ARMC2: variants seen among roughly 807,000 people sequenced by gnomAD.
The protein encoded by ARMC2 is armadillo repeat-containing protein 2.
ARMC2 carries 67 observed loss-of-function variants against 90.3 expected under a neutral mutation model. The ratio of observed to expected loss-of-function variants is 0.74; its 90% CI spans 0.61 to 0.91. The LOEUF (loss-of-function observed/expected upper bound fraction) is 0.91, where lower values mean the gene tolerates loss of function less well. Among genes scored for constraint, ARMC2 ranks in the 40% least tolerant of loss-of-function variants. The probability of loss-of-function intolerance (pLI) is 0.00; values close to 1 mark genes in which losing one functional copy is unlikely to be tolerated. For missense variants in ARMC2, 920 were observed against 1,030.9 expected (o/e 0.89, Z 1.47); for synonymous variants, 393 against 393.0 (o/e 1.00, Z 0.00).
chr6:108,953,011 CTCTG>C lies in ARMC2; in HGVS notation c.1597-18_1597-15del, dbSNP rs756559004. Reference sequence around the variant, plus strand: ...GTTCCAGCCCCCTTTGCACTTTTGACTCTGTCTTTCGTTTATTGCAGGATTTAGT... The same window carrying C: ...GTTCCAGCCCCCTTTGCACTTTTGACTCTTTCGTTTATTGCAGGATTTAGT... On this transcript the variant is annotated intron_variant, in intron 12 of 17. Coordinates refer to ENST00000392644, the MANE Select transcript of ARMC2 (RefSeq NM_032131.6). The C allele has an allele frequency of 1.9e-6, 3 of 1,579,896 alleles. No individual in the cohort carries two copies. The highest frequency in any genetic ancestry group is 1.2e-5 in the South Asian group (1 of 86,944).
chr6:108,973,259 C>A, intron 17 of ARMC2, 98 bp from the exon 18 acceptor site: 1 of 1,015,996 alleles, frequency 9.8e-7, no homozygotes, highest in Non-Finnish European at 1.4e-6. Context: ...TATTAAAGGA[C>A]GACCCAGGGT....
At position 108,962,590 on chromosome 6, in the gene ARMC2, A is replaced by G. The variant is rs75311725; in HGVS notation, c.2152+463A>G. Among the ~76,000 whole-genome samples the G allele has an allele frequency of 6.9e-3, 1,057 of 152,358 alleles. 10 individuals carry two copies. The highest frequency in any genetic ancestry group is 0.024 in the African/African-American group (1,016 of 41,582). ...ATATATGCAGAGGAATGCCTTGAAT[A>G]TAAGTTTTAAAACATACAAAACTAC... is the stretch of plus-strand genomic sequence containing the variant. On this transcript the variant is annotated intron_variant, in intron 15 of 17. Coordinates refer to ENST00000392644, the MANE Select transcript of ARMC2 (RefSeq NM_032131.6).
At chr6:108,853,228 A>G (rs1055146159) in intron 1 of ARMC2, among the ~76,000 whole-genome samples, 1 of 152,210 alleles carries the variant, frequency 6.6e-6, no homozygotes, top group African/African-American at 2.4e-5. Context: ...GGGCCTGTGT[A>G]GAAGGAAACA....
chr6:108,896,445 T>C (rs553931582), intron 6 of ARMC2, among the ~76,000 whole-genome samples: 6 of 152,338 alleles, frequency 3.9e-5, no homozygotes, highest in African/African-American at 1.4e-4. Context: ...ATTATATGAT[T>C]CCATGCTTCA....
chr6:109,020,518 C>T, the ARMC2 span, among the ~76,000 whole-genome samples: 1 of 152,096 alleles, frequency 6.6e-6, no homozygotes, highest in South Asian at 2.1e-4. Flanking sequence ...ACAACCATAC[C>T]ACAAATACAA....
At chr6:108,989,108 T>G in the ARMC2 span, among the ~76,000 whole-genome samples, 1 of 152,156 alleles carries the variant, frequency 6.6e-6, no homozygotes, top group African/African-American at 2.4e-5. Flanking sequence ...GTTCAAGCGA[T>G]TCTCTCACCT....
chr6:108,857,108 C>A (rs753373205), intron 2 of ARMC2, among the ~76,000 whole-genome samples: 42 of 152,282 alleles, frequency 2.8e-4, no homozygotes, highest in Admixed American at 1.4e-3. Context: ...TACAAAATGA[C>A]TTGCCAGGAT....
chr6:109,047,969 G>C, the ARMC2 span, among the ~76,000 whole-genome samples: 3 of 147,872 alleles, frequency 2.0e-5, no homozygotes, highest in Admixed American at 6.7e-5. Context: ...GAAGGCCACA[G>C]GGTCCTCTGC....
the ARMC2 span, among the ~76,000 whole-genome samples, chr6:109,019,942 T>C: frequency 6.6e-6 from 1 of 152,228 alleles, no homozygotes; most frequent in East Asian, 1.9e-4. Flanking sequence ...ACTAAATTTA[T>C]ACATAAGTGG....
the ARMC2 span, among the ~76,000 whole-genome samples, chr6:109,036,512 G>GT: frequency 6.6e-6 from 1 of 152,164 alleles, no homozygotes; most frequent in African/African-American, 2.4e-5. Context: ...GGGATCTAGT[G>GT]TTTTTTGTTT....
chr6:108,928,006 T>G, intron 10 of ARMC2, 82 bp from the exon 11 acceptor site: 2 of 1,296,746 alleles, frequency 1.5e-6, no homozygotes, highest in Non-Finnish European at 2.0e-6. Context: ...AGGAAATTTA[T>G]GAAATGAATT....
chr6:108,881,078 T>A (rs959922002), intron 5 of ARMC2, among the ~76,000 whole-genome samples: 4 of 152,010 alleles, frequency 2.6e-5, no homozygotes, highest in African/African-American at 9.7e-5. Context: ...ATGGTCTTGA[T>A]CTCCTGACCT....
chr6:108,960,909 T>G (rs1299237111), intron 13 of ARMC2, among the ~76,000 whole-genome samples: 1 of 152,070 alleles, frequency 6.6e-6, no homozygotes, highest in Non-Finnish European at 1.5e-5. Flanking sequence ...GCCAGAGAGA[T>G]AAGGCCTGGA....
chr6:109,012,933 G>A, the ARMC2 span, among the ~76,000 whole-genome samples: 1,324 of 151,854 alleles, frequency 8.7e-3, 25 homozygotes, highest in African/African-American at 0.03. Flanking sequence ...GGCCAACATG[G>A]TGAAACCCCG....
intron 5 of ARMC2, among the ~76,000 whole-genome samples, chr6:108,882,700 A>T (rs1181894801): frequency 2.0e-5 from 3 of 152,236 alleles, no homozygotes; most frequent in Non-Finnish European, 4.4e-5. Flanking sequence ...GATTATTGAG[A>T]TAGATATGGA....
At chr6:108,908,116 G>A (rs1772982150) in intron 8 of ARMC2, among the ~76,000 whole-genome samples, 1 of 148,058 alleles carries the variant, frequency 6.8e-6, no homozygotes, top group Non-Finnish European at 1.5e-5. Context: ...CTTGTAAAAT[G>A]CAGATTCTGA....
the ARMC2 span, among the ~76,000 whole-genome samples, chr6:109,003,197 T>C: frequency 6.6e-6 from 1 of 151,912 alleles, no homozygotes; most frequent in Non-Finnish European, 1.5e-5. Flanking sequence ...CTATGTCCTA[T>C]CTAGTGTCAT....
chr6:108,871,857 T>C (rs1288260872), intron 4 of ARMC2, among the ~76,000 whole-genome samples: 1 of 152,234 alleles, frequency 6.6e-6, no homozygotes, highest in African/African-American at 2.4e-5. Flanking sequence ...CGTGGTTCTT[T>C]TATCCACCCT....
At chr6:109,041,649 T>C in the ARMC2 span, among the ~76,000 whole-genome samples, 2 of 151,874 alleles carry the variant, frequency 1.3e-5, no homozygotes, top group Non-Finnish European at 2.9e-5. Flanking sequence ...ACCAAGAATA[T>C]ATAGCAATAC....
Sources: allele counts gnomAD v4.1 joint callset (sites outside exome capture counted in the v4.1 genomes callset), GRCh38; gene constraint gnomAD v4.1.1; transcripts MANE v1.5; gene names NCBI Gene and HGNC (gene_info 2026-07-23, HGNC 2026-07-21).